FAM204A: variants seen among roughly 807,000 people sequenced by gnomAD.
FAM204A encodes family with sequence similarity 204 member A.
FAM204A carries 16 observed loss-of-function variants against 35.4 expected under a neutral mutation model. That is an observed-to-expected ratio of 0.45 (90% CI 0.31 to 0.69). The LOEUF is 0.69. Ranked by LOEUF, FAM204A falls within the 30% of genes least tolerant of loss-of-function variation. The pLI is 0.07. For missense variants in FAM204A, 240 were observed against 265.7 expected, an observed-to-expected ratio of 0.90 and a Z score of 0.67; for synonymous variants, 76 against 86.9, an observed-to-expected ratio of 0.88 and a Z score of 0.70.
intron 7 of FAM204A, 85 bp from the exon 8 acceptor site, chr10:118,311,398 T>C: frequency 9.3e-7 from 1 of 1,080,568 alleles, no homozygotes. Context: ...AATTGAGAAC[T>C]TGTGGGTAAG....
At chr10:118,317,207 G>C (rs1489359097) in intron 7 of FAM204A, among the ~76,000 whole-genome samples, 1 of 152,008 alleles carries the variant, frequency 6.6e-6, no homozygotes, top group Non-Finnish European at 1.5e-5. Context: ...CATGAAGAAA[G>C]AAACCAAGGG....
chr10:118,335,028 G>A (rs1846356533), intron 6 of FAM204A, 86 bp downstream of exon 6: 2 of 932,596 alleles, frequency 2.1e-6, no homozygotes, highest in Admixed American at 4.4e-5. Flanking sequence ...TTAACTGAAT[G>A]AATTAATGAG....
At position 118,307,333 on chromosome 10, in the gene FAM204A, C is replaced by G. The variant is rs749636386; in HGVS notation, c.*3524G>C. Reference sequence around the variant, plus strand: ...TGTTTCATGAAAGTCAGAGCTAAGACTTTAGTAGAGTGTAAATTTTAAGCC... The same window carrying G: ...TGTTTCATGAAAGTCAGAGCTAAGAGTTTAGTAGAGTGTAAATTTTAAGCC... On this transcript the variant is annotated 3_prime_UTR_variant, in exon 9 of 9. Coordinates refer to ENST00000369183, the MANE Select transcript of FAM204A (RefSeq NM_022063.3). 4 of 152,156 alleles carry G rather than the reference C, an allele frequency of 2.6e-5. No individual in the cohort carries two copies. Among genetic ancestry groups the G allele is most frequent in the Non-Finnish European group, 5.9e-5 (4 of 68,026 alleles). The allele number at this position is 152,156 out of a possible 1,614,324, so 9.4% of individuals were successfully genotyped here. A position where few individuals can be genotyped will look rare whatever the true frequency, so the allele number is the denominator to read the frequency against.
rs776991703 is a variant in FAM204A, at chr10:118,303,542, G to T, written c.*7315C>A. 1 of 152,470 alleles carries T rather than the reference G, an allele frequency of 6.6e-6. No individual in the cohort carries two copies. The highest frequency in any genetic ancestry group is 1.5e-5 in the Non-Finnish European group (1 of 68,304). 9.4% of individuals were successfully genotyped at this position (152,470 alleles called of 1,614,324 possible). On this transcript the variant is annotated 3_prime_UTR_variant, in exon 9 of 9. Transcript: ENST00000369183. The stretch of plus-strand genomic sequence containing the variant: ...TTAAAAGCCAGCTCCAGCCGGGCGC[G>T]GTGGCTCATGCCTGTAATCCCAGCA...
At chr10:118,337,373 T>G (rs180753364) in intron 2 of FAM204A, 26 of 352,790 alleles carry the variant, frequency 7.4e-5, no homozygotes, top group African/African-American at 5.3e-4. Context: ...GGACGGAAAT[T>G]TGTTTTGCAG....
chr10:118,309,119 T>C lies in FAM204A; in HGVS notation c.*1738A>G, dbSNP rs1052486635. ...TTGAAATGAATATTGTAGGTAAGTT[T>C]TACATGATCATATCTGTAAAATGGA... On this transcript the variant is annotated 3_prime_UTR_variant, in exon 9 of 9. Transcript: ENST00000369183. 2.0e-5 allele frequency: 3 copies of C among 152,238 alleles called. No homozygotes were observed. The highest frequency in any genetic ancestry group is 7.2e-5 in the African/African-American group (3 of 41,468). The allele number at this position is 152,238 out of a possible 1,614,324, so 9.4% of individuals were successfully genotyped here. A position where few individuals can be genotyped will look rare whatever the true frequency, so the allele number is the denominator to read the frequency against.
Position 118,303,298 on chromosome 10 carries a change from C to T in FAM204A, c.*7559G>A, listed in dbSNP as rs940674310. 1.3e-5 allele frequency: 2 copies of T among 152,202 alleles called. No homozygotes were observed. The highest frequency in any genetic ancestry group is 4.8e-5 in the African/African-American group (2 of 41,460). 9.4% of individuals were successfully genotyped at this position (152,202 alleles called of 1,614,324 possible). On this transcript the variant is annotated 3_prime_UTR_variant, in exon 9 of 9. Transcript: ENST00000369183. The stretch of plus-strand genomic sequence containing the variant: ...GTAGAACCAAGATGTCCCTCCAAGG[C>T]AAGGAGCATAAATAACAATGAATCC...
chr10:118,308,839 A>G lies in FAM204A; in HGVS notation c.*2018T>C, dbSNP rs1043670654. The G allele has an allele frequency of 2.6e-5, 4 of 151,880 alleles. No homozygotes were observed. Among genetic ancestry groups the G allele is most frequent in the Admixed American group, 2.0e-4 (3 of 15,254 alleles). 9.4% of individuals were successfully genotyped at this position (151,880 alleles called of 1,614,324 possible). A position where few individuals can be genotyped will look rare whatever the true frequency, so the allele number is the denominator to read the frequency against. On this transcript the variant is annotated 3_prime_UTR_variant, in exon 9 of 9. Transcript: ENST00000369183. ...GCAAGGCTTCAGTATGGGAAGTGCA[A>G]CATGCCTGCAGGGGTCACTAAATGC...
chr10:118,339,372 A>G (rs1039283314), intron 2 of FAM204A, among the ~76,000 whole-genome samples: 1 of 152,210 alleles, frequency 6.6e-6, no homozygotes, highest in African/African-American at 2.4e-5. Flanking sequence ...AAAGTTTCCA[A>G]CTGGCACCAT....
intron 6 of FAM204A, among the ~76,000 whole-genome samples, chr10:118,330,563 G>A (rs923262813): frequency 1.3e-5 from 2 of 152,096 alleles, no homozygotes; most frequent in African/African-American, 4.8e-5. Flanking sequence ...AACCCTCCTA[G>A]AAATAAAAAT....
chr10:118,300,417 C>T lies in FAM204A; in HGVS notation c.*10440G>A, dbSNP rs1194481100. ...ATTAAATCAACAAATATTTACTGAA[C>T]ACCTACCATGTATGAGTCATTGAGA... On this transcript the variant is annotated 3_prime_UTR_variant, in exon 9 of 9. Transcript: ENST00000369183. 1 of 152,192 alleles carries T rather than the reference C, an allele frequency of 6.6e-6. No homozygotes were observed. Among genetic ancestry groups the T allele is most frequent in the African/African-American group, 2.4e-5 (1 of 41,440 alleles). The allele number at this position is 152,192 out of a possible 1,614,324, so 9.4% of individuals were successfully genotyped here. A position where few individuals can be genotyped will look rare whatever the true frequency, so the allele number is the denominator to read the frequency against.
intron 7 of FAM204A, among the ~76,000 whole-genome samples, chr10:118,322,986 A>G (rs1322511214): frequency 2.6e-5 from 4 of 152,126 alleles, no homozygotes; most frequent in Non-Finnish European, 4.4e-5. Flanking sequence ...GATCACATGG[A>G]GTCCACATTT....
chr10:118,327,781 A>G (rs1846222179), intron 6 of FAM204A, among the ~76,000 whole-genome samples: 1 of 152,184 alleles, frequency 6.6e-6, no homozygotes, highest in African/African-American at 2.4e-5. Flanking sequence ...GCCAGAATAC[A>G]AATCAGCTTC....
chr10:118,311,013 C>A, intron 8 of FAM204A, 105 bp from the exon 9 acceptor site: 1 of 1,142,056 alleles, frequency 8.8e-7, no homozygotes, highest in Non-Finnish European at 1.3e-6. Context: ...AAATTTTTCA[C>A]ATACTCCAAT....
Position 118,301,954 on chromosome 10 carries a change from A to C in FAM204A, c.*8903T>G, listed in dbSNP as rs1011552948. The C allele has an allele frequency of 6.6e-6, 1 of 152,622 alleles. No individual in the cohort carries two copies. The highest frequency in any genetic ancestry group is 2.4e-5 in the African/African-American group (1 of 41,462). 9.5% of individuals were successfully genotyped at this position (152,622 alleles called of 1,614,324 possible). A position where few individuals can be genotyped will look rare whatever the true frequency, so the allele number is the denominator to read the frequency against. The stretch of plus-strand genomic sequence containing the variant: ...ACACCTGCCTCCGTCCTTTTTCTCC[A>C]AAGTTTATCACCATATGAGAGTCCA... On this transcript the variant is annotated 3_prime_UTR_variant, in exon 9 of 9. Transcript: ENST00000369183.
chr10:118,316,229 T>TA (rs749220049), intron 7 of FAM204A, among the ~76,000 whole-genome samples: 1 of 152,160 alleles, frequency 6.6e-6, no homozygotes, highest in Non-Finnish European at 1.5e-5. Context: ...TATTGATTTT[T>TA]AAAAAACAGC....
At chr10:118,322,607 A>T (rs1256135437) in intron 7 of FAM204A, among the ~76,000 whole-genome samples, 2 of 152,136 alleles carry the variant, frequency 1.3e-5, no homozygotes, top group Non-Finnish European at 2.9e-5. Context: ...TGACTAGGAA[A>T]AAGAAGTTTC....
intron 2 of FAM204A, among the ~76,000 whole-genome samples, chr10:118,339,855 C>CA (rs1173929172): frequency 3.9e-5 from 6 of 152,180 alleles, no homozygotes; most frequent in Non-Finnish European, 7.3e-5. Context: ...TGGGCTAACA[C>CA]AATTTGCCAT....
At chr10:118,337,289 CA>C in intron 2 of FAM204A, 1 of 967,674 alleles carries the variant, frequency 1.0e-6, no homozygotes, top group Non-Finnish European at 1.2e-6. Context: ...CCAGTTCCTT[CA>C]AAAGATGCTT....
Sources: allele counts gnomAD v4.1 joint callset (sites outside exome capture counted in the v4.1 genomes callset), GRCh38; gene constraint gnomAD v4.1.1; transcripts MANE v1.5; gene names NCBI Gene and HGNC (gene_info 2026-07-23, HGNC 2026-07-21).